The following OTC variants were observed in gnomAD, a reference collection of about 807,000 sequenced individuals.
OTC encodes ornithine transcarbamylase.
A neutral mutation model predicts 30.3 loss-of-function variants in OTC; 3 were observed. The observed-to-expected ratio is 0.10, with a 90% CI of 0.05 to 0.26. The LOEUF is 0.26. Ranked by LOEUF, OTC falls within the 10% of genes least tolerant of loss-of-function variation. The probability of loss-of-function intolerance (pLI) is 1.00; values close to 1 mark genes in which losing one functional copy is unlikely to be tolerated. For synonymous variants in OTC, 111 were observed against 99.7 expected (o/e 1.11, Z -0.67); for missense variants, 194 against 260.3 (o/e 0.75, Z 1.75).
intron 4 of OTC, among the ~76,000 whole-genome samples, chrX:38,393,908 T>C (rs778487545): frequency 8.9e-6 from 1 of 111,893 alleles, no homozygotes; most frequent in Non-Finnish European, 1.9e-5. Flanking sequence ...CCTGTATCCT[T>C]GGGCTTGAGG....
chrX:38,332,042 C>T, the OTC span, among the ~76,000 whole-genome samples: 1 of 110,716 alleles, frequency 9.0e-6, no homozygotes, highest in Non-Finnish European at 1.9e-5. Flanking sequence ...GCTCCACCCC[C>T]TGTCAGATCA....
intron 4 of OTC, among the ~76,000 whole-genome samples, chrX:38,394,020 A>C (rs889866084): frequency 1.1e-4 from 12 of 111,874 alleles, no homozygotes; most frequent in African/African-American, 3.9e-4. Flanking sequence ...GGGCCCACCC[A>C]GGGTAATCTC....
At chrX:38,357,082 A>G (rs961807065) in intron 1 of OTC, among the ~76,000 whole-genome samples, 9 of 111,546 alleles carry the variant, frequency 8.1e-5, no homozygotes, top group Non-Finnish European at 1.7e-4. Flanking sequence ...TACAAACTTC[A>G]TGAGTGTGGG....
intron 3 of OTC, among the ~76,000 whole-genome samples, chrX:38,370,850 C>T (rs2068319711): frequency 9.0e-6 from 1 of 111,477 alleles, no homozygotes; most frequent in Admixed American, 9.5e-5. Context: ...CAATATATCT[C>T]TTGGTTTCAT....
chrX:38,340,458 T>TG, the OTC span, among the ~76,000 whole-genome samples: 1 of 84,605 alleles, frequency 1.2e-5, no homozygotes, highest in Non-Finnish European at 2.3e-5. Context: ...ATTGTTTTTT[T>TG]GTTTTTTTTT....
chrX:38,391,400 T>C (rs1424557132), intron 4 of OTC, among the ~76,000 whole-genome samples: 1 of 111,306 alleles, frequency 9.0e-6, no homozygotes, highest in Admixed American at 9.6e-5. Context: ...ATAAAAAAAG[T>C]ACCCAGTACT....
rs751292986 is a variant in OTC at position 38,386,240 on chromosome X, G to C, written c.386+4811G>C. Reference sequence around the variant, plus strand: ...ATACAAAAATTAGCCAGGCGTGGTGGCGTGTGCCTGTAATCCCAGCTACTC... The same window carrying C: ...ATACAAAAATTAGCCAGGCGTGGTGCCGTGTGCCTGTAATCCCAGCTACTC... On this transcript the variant is annotated intron_variant, in intron 4 of 9. Transcript: ENST00000039007. 4.7e-5 allele frequency among the ~76,000 whole-genome samples: 5 copies of C among 106,456 alleles called. No homozygotes were observed. The South Asian group carries it at 2.1e-3, about 45-fold the overall frequency. The allele number at this position is 106,456 out of a possible 115,157, so 92.4% of individuals were successfully genotyped here. A position where few individuals can be genotyped will look rare whatever the true frequency, so the allele number is the denominator to read the frequency against.
intron 4 of OTC, among the ~76,000 whole-genome samples, chrX:38,391,972 T>C (rs1322508763): frequency 8.9e-6 from 1 of 112,262 alleles, no homozygotes; most frequent in African/African-American, 3.2e-5. Flanking sequence ...AAATAATGGA[T>C]GTTAACATTT....
Position 38,369,149 on chromosome X carries a change from G to A in OTC, c.217-647G>A, listed in dbSNP as rs185364768. On this transcript the variant is annotated intron_variant, in intron 2 of 9. Transcript: ENST00000039007. The stretch of plus-strand genomic sequence containing the variant: ...AAACACCTCCAAACCAAACACCTTC[G>A]AGGTCATTGAAAACTGAATGGGGAT... Among the ~76,000 whole-genome samples the A allele has an allele frequency of 3.0e-3, 330 of 110,776 alleles. 1 individual carries two copies. The highest frequency in any genetic ancestry group is 0.01 in the African/African-American group (309 of 30,452).
the OTC span, among the ~76,000 whole-genome samples, chrX:38,337,118 G>T: frequency 9.0e-6 from 1 of 111,374 alleles, no homozygotes; most frequent in Non-Finnish European, 1.9e-5. Flanking sequence ...ATGCTGGGCC[G>T]TCAAAAAAAC....
At chrX:38,367,467 G>A (rs1227483364) in intron 2 of OTC, 38 bp downstream of exon 2, 1 of 1,142,284 alleles carries the variant, frequency 8.8e-7, no homozygotes, top group East Asian at 3.0e-5. Context: ...ATTACTACCA[G>A]TCCCCTTTTT....
chrX:38,385,291 T>C (rs1454346010), intron 4 of OTC, among the ~76,000 whole-genome samples: 2 of 112,040 alleles, frequency 1.8e-5, no homozygotes, highest in African/African-American at 3.2e-5. Flanking sequence ...TAAAATAAAA[T>C]GCTGATCAAG....
At position 38,401,365 on chromosome X, in the gene OTC, T is replaced by G. The variant is rs755503394; in HGVS notation, c.477T>G (p.Ile159Met). ...TGGCTAAAGAAGCATCCATCCCAAT[T>G]ATCAATGGGCTGTCAGATTTGTACC... ...DTLAKEASIP[I>M]INGLSDLYHP... Residue 159 changes from isoleucine to methionine, a missense_variant, in exon 5 of 10, where the codon ATT (isoleucine) becomes ATG (methionine). By Grantham distance (10) the Ile-to-Met change is conservative. Transcript: ENST00000039007. 2 of 1,197,459 alleles carry G rather than the reference T, an allele frequency of 1.7e-6. No homozygotes were observed.
At chrX:38,362,843 C>T (rs926167863) in intron 1 of OTC, among the ~76,000 whole-genome samples, 2 of 112,007 alleles carry the variant, frequency 1.8e-5, no homozygotes, top group Non-Finnish European at 1.9e-5. Flanking sequence ...TGTTGGTCCT[C>T]CTCTTTCCTG....
At chrX:38,355,677 T>C (rs2068236724) in intron 1 of OTC, among the ~76,000 whole-genome samples, 1 of 112,281 alleles carries the variant, frequency 8.9e-6, no homozygotes, top group African/African-American at 3.2e-5. Context: ...TGTTCTTGCA[T>C]AGAGGAGAGA....
intron 4 of OTC, among the ~76,000 whole-genome samples, chrX:38,384,296 G>A (rs2068391242): frequency 8.9e-6 from 1 of 111,816 alleles, no homozygotes; most frequent in South Asian, 3.8e-4. Flanking sequence ...TACAATATCA[G>A]AAGAGGCTGG....
intron 3 of OTC, among the ~76,000 whole-genome samples, chrX:38,372,204 C>A (rs1161745496): frequency 9.0e-6 from 1 of 111,291 alleles, no homozygotes; most frequent in East Asian, 2.8e-4. Context: ...ATGAGAGTGA[C>A]AATTTAATAA....
upstream of OTC, among the ~76,000 whole-genome samples, chrX:38,351,325 G>A (rs755739642): frequency 4.5e-5 from 5 of 111,599 alleles, no homozygotes; most frequent in Non-Finnish European, 9.4e-5. Flanking sequence ...TATTTACTTG[G>A]GTTTGCTAAA....
the OTC span, among the ~76,000 whole-genome samples, chrX:38,344,463 T>G: frequency 9.0e-6 from 1 of 111,662 alleles, no homozygotes; most frequent in Non-Finnish European, 1.9e-5. Flanking sequence ...TGAAGATTTT[T>G]GGGTCCTTCA....
Sources: allele counts gnomAD v4.1 joint callset (sites outside exome capture counted in the v4.1 genomes callset), GRCh38; gene constraint gnomAD v4.1.1; transcripts MANE v1.5; gene names NCBI Gene and HGNC (gene_info 2026-07-23, HGNC 2026-07-21).